Variants in NXF1 observed in about 807,000 individuals in gnomAD.
The protein encoded by NXF1 is nuclear RNA export factor 1.
In NXF1, 43 loss-of-function variants were observed where a neutral mutation model predicts 92.4. That is an observed-to-expected ratio of 0.47 (90% CI 0.36 to 0.60). NXF1 has a LOEUF of 0.60. Among genes scored for constraint, NXF1 ranks in the 20% least tolerant of loss-of-function variants. NXF1 has a pLI of 0.00. For missense variants in NXF1, 576 were observed against 793.0 expected, an observed-to-expected ratio of 0.73 and a Z score of 3.29; for synonymous variants, 288 against 292.2, an observed-to-expected ratio of 0.99 and a Z score of 0.15.
Position 62,803,704 on chromosome 11 carries a change from C to T in NXF1, c.215+88G>A, listed in dbSNP as rs560761541. The stretch of plus-strand genomic sequence containing the variant: ...CTAGTCCTGGCATTTCTCACTCTAA[C>T]AGGTGGGAAAGGAAATGACATGGAC... On this transcript the variant is annotated intron_variant, in intron 2 of 20. Transcript: ENST00000294172. The T allele has an allele frequency of 5.6e-5, 87 of 1,543,618 alleles. 2 individuals carry two copies. The South Asian group carries it at 9.4e-4, about 17-fold the overall frequency.
intron 1 of NXF1, 30 bp downstream of exon 1, chr11:62,805,299 C>T: frequency 2.5e-6 from 4 of 1,593,490 alleles, no homozygotes; most frequent in Non-Finnish European, 3.4e-6. Flanking sequence ...CCCCAGATAG[C>T]CAGTTCCCGA....
chr11:62,800,033 C>A, intron 10 of NXF1: 13 of 1,063,616 alleles, frequency 1.2e-5, no homozygotes, highest in Non-Finnish European at 1.5e-5. Flanking sequence ...GCAACCCCAT[C>A]TATAGGGTAT....
chr11:62,805,185 A>C, intron 1 of NXF1, 144 bp downstream of exon 1: 1 of 651,452 alleles, frequency 1.5e-6, no homozygotes. Flanking sequence ...TCGGGTGTCC[A>C]CCTCGAGTGC....
intron 1 of NXF1, 109 bp downstream of exon 1, chr11:62,805,220 G>T (rs2134786037): frequency 9.3e-7 from 1 of 1,072,472 alleles, no homozygotes. Context: ...GCCGCTCCCC[G>T]CGGACGCCGG....
In NXF1 at chr11:62,797,119, C is replaced by T; in HGVS notation, c.1178+64G>A. On this transcript the variant is annotated intron_variant, in intron 13 of 20. Coordinates refer to ENST00000294172, the MANE Select transcript of NXF1 (RefSeq NM_006362.5). ...AACAAAACAAAAAGATTGATGTGTG[C>T]CTGGGTCTGCCCACCATTCCCCCTC... The T allele has an allele frequency of 5.8e-6, 8 of 1,373,426 alleles. No individual in the cohort carries two copies. In the East Asian group the frequency reaches 9.1e-5, roughly 16 times the overall value. The allele number at this position is 1,373,426 out of a possible 1,614,324, so 85.1% of individuals were successfully genotyped here.
chr11:62,801,322 G>A lies in NXF1; in HGVS notation c.798+7C>T, dbSNP rs774955090. On this transcript the variant is annotated splice_region_variant and intron_variant, in intron 8 of 20. Coordinates refer to ENST00000294172, the MANE Select transcript of NXF1 (RefSeq NM_006362.5). The stretch of plus-strand genomic sequence containing the variant: ...CCTCATGCCTAATACTGGGCCAAAG[G>A]CCTTACCTCAGGGATGTTCTCTTCA... The A allele has an allele frequency of 2.5e-6, 4 of 1,613,628 alleles. No individual in the cohort carries two copies. The highest frequency in any genetic ancestry group is 4.5e-5 in the East Asian group (2 of 44,904).
intron 16 of NXF1, 30 bp from the exon 17 acceptor site, chr11:62,795,973 TAC>T: frequency 6.2e-7 from 1 of 1,613,792 alleles, no homozygotes; most frequent in Non-Finnish European, 8.5e-7. Context: ...AGGTACAATG[TAC>T]ACTTCTCAGA....
Position 62,801,830 on chromosome 11 carries a change from G to C in NXF1, c.559-11C>G. 1 of 1,611,130 alleles carries C rather than the reference G, an allele frequency of 6.2e-7. No homozygotes were observed. Among genetic ancestry groups the C allele is most frequent in the Non-Finnish European group, 8.5e-7 (1 of 1,177,574 alleles). ...GATGATGATAGATATCTGGAGGGAA[G>C]ACACAGAGGGCACAGAAAACTCTAG... is the stretch of plus-strand genomic sequence containing the variant. On this transcript the variant is annotated splice_polypyrimidine_tract_variant and intron_variant, in intron 5 of 20. Transcript: ENST00000294172.
intron 3 of NXF1, among the ~76,000 whole-genome samples, chr11:62,802,509 T>G (rs1367158094): frequency 1.3e-5 from 2 of 152,224 alleles, no homozygotes; most frequent in Non-Finnish European, 2.9e-5. Flanking sequence ...CGATCATAGC[T>G]CACTGCAGCC....
Position 62,796,499 on chromosome 11 carries a change from C to A in NXF1, c.1247G>T (p.Cys416Phe), listed in dbSNP as rs749454348. ...LLDAYHDGAC[C>F]SLSIPFIPQN... ...AGGAATGAAAGGAATGCTCAGGGAA[C>A]AGCAGGCCCCATCATGGTAGGCATC... Residue 416 changes from cysteine (C) to phenylalanine (F), a missense_variant, in exon 14 of 21, where the codon TGT becomes TTT. Physicochemically the swap from Cys to Phe is radical, Grantham distance 205 (BLOSUM62 -2). Around this residue, in one of 2 missense-constraint regions of NXF1, gnomAD observed 425 missense variants for 635.2 expected, o/e 0.67. Coordinates refer to ENST00000294172, the MANE Select transcript of NXF1 (RefSeq NM_006362.5). 6.2e-7 allele frequency: 1 copy of A among 1,614,150 alleles called. No individual in the cohort carries two copies. Among genetic ancestry groups the A allele is most frequent in the South Asian group, 1.1e-5 (1 of 91,080 alleles).
Position 62,792,642 on chromosome 11 carries a change from T to C in NXF1, c.1820A>G (p.Lys607Arg). 3 of 1,614,172 alleles carry C rather than the reference T, an allele frequency of 1.9e-6. No individual in the cohort carries two copies. The highest frequency in any genetic ancestry group is 2.5e-6 in the Non-Finnish European group (3 of 1,180,038). ...TGCCACTGTATTTCCAGACCTTACC[T>C]TGAGATGAGTGAAGGCCTGGGCAGA... ...TRSAQAFTHL[K>R]AKGEIPEVAF... The change falls in exon 20 of 21, where the codon AAG (lysine) becomes AGG (arginine). Residue 607 changes from lysine to arginine, a missense_variant and splice_region_variant. Physicochemically the swap from Lys to Arg is conservative, Grantham distance 26. Transcript: ENST00000294172.
rs367896170 is a variant in NXF1, at chr11:62,805,405, C to G, written c.-49G>C. On this transcript the variant is annotated 5_prime_UTR_variant, in exon 1 of 21. Transcript: ENST00000294172. ...GCTCAGGCGCTGGCCGCTACGCCGG[C>G]AAACAACCTAACTCCCAAGCGCTCA... The G allele has an allele frequency of 3.1e-6, 5 of 1,607,208 alleles. No homozygotes were observed. Among genetic ancestry groups the G allele is most frequent in the South Asian group, 1.1e-5 (1 of 89,578 alleles).
At chr11:62,793,038 A>C (rs2084382152) in intron 19 of NXF1, among the ~76,000 whole-genome samples, 2 of 151,782 alleles carry the variant, frequency 1.3e-5, no homozygotes, top group Admixed American at 1.3e-4. Context: ...ATTTATACAC[A>C]GGCAAATTTT....
In NXF1 at chr11:62,800,514, G is replaced by C. The variant is rs772747775; in HGVS notation, c.907-28C>G. On this transcript the variant is annotated intron_variant, in intron 9 of 20. Coordinates refer to ENST00000294172, the MANE Select transcript of NXF1 (RefSeq NM_006362.5). ...GCAAAGGGTGGAAGGAACAAAGGGA[G>C]GAGACCCTGGTGAAGACAGCCAGCT... The C allele has an allele frequency of 1.9e-5, 29 of 1,559,098 alleles. No homozygotes were observed. In the African/African-American group the frequency reaches 2.2e-4, roughly 12 times the overall value.
intron 19 of NXF1, among the ~76,000 whole-genome samples, chr11:62,793,840 A>G (rs1179450521): frequency 1.3e-5 from 2 of 150,682 alleles, no homozygotes; most frequent in East Asian, 1.9e-4. Context: ...AAAAAAAAAA[A>G]AAATACAAAA....
intron 11 of NXF1, among the ~76,000 whole-genome samples, 171 bp downstream of exon 11, chr11:62,798,368 A>G (rs928517598): frequency 2.0e-5 from 3 of 151,522 alleles, no homozygotes; most frequent in African/African-American, 7.3e-5. Flanking sequence ...TGGGAGGCAG[A>G]GGTTGCGGTG....
At position 62,801,816 on chromosome 11, in the gene NXF1, A is replaced by G. The variant is rs1357708071; in HGVS notation, c.562T>C (p.Ser188Pro). ...KILDRENRRI[S>P]IIINSSAPPH... ...GGAGCAGAAGAGTTGATGATGATAG[A>G]TATCTGGAGGGAAGACACAGAGGGC... Residue 188 changes from serine (S) to proline (P), a missense_variant, in exon 6 of 21, where the codon TCT (serine) becomes CCT (proline). Ser to Pro is a moderately conservative substitution (Grantham distance 74). Transcript: ENST00000294172. The G allele has an allele frequency of 1.9e-6, 3 of 1,613,322 alleles. No individual in the cohort carries two copies. Among genetic ancestry groups the G allele is most frequent in the Non-Finnish European group, 2.5e-6 (3 of 1,179,424 alleles).
In NXF1 at chr11:62,797,369, G is replaced by C. The variant is rs746822446; in HGVS notation, c.1071C>G (p.Pro357=). The C allele has an allele frequency of 1.2e-6, 2 of 1,613,478 alleles. No individual in the cohort carries two copies. Among genetic ancestry groups the C allele is most frequent in the African/African-American group, 2.7e-5 (2 of 74,884 alleles). The stretch of plus-strand genomic sequence containing the variant: ...CTTCAACATCAAAGGCAATTGGTGG[G>C]GGTAGCTCATGGCCATCCTGTGGAA... ...KLLRLDGHEL[P]PPIAFDVEAP... is the part of the protein sequence containing the mutation. Residue 357 remains proline, a synonymous_variant, in exon 12 of 21, where the codon CCC becomes CCG. Transcript: ENST00000294172.
At position 62,794,533 on chromosome 11, in the gene NXF1, G is replaced by T. The variant is rs939526035; in HGVS notation, c.1578-93C>A. 1.2e-5 allele frequency: 13 copies of T among 1,121,866 alleles called. No individual in the cohort carries two copies. The African/African-American group carries it at 1.7e-4, about 15-fold the overall frequency. 69.5% of individuals were successfully genotyped at this position (1,121,866 alleles called of 1,614,324 possible). ...CTCTGATTCTTTCAATATCCACAAG[G>T]TCCCCCTCCCACTCTTAGCTATTGT... On this transcript the variant is annotated intron_variant, in intron 18 of 20. Coordinates refer to ENST00000294172, the MANE Select transcript of NXF1 (RefSeq NM_006362.5).
Sources: gnomAD v4.1 joint callset for allele counts (sites outside exome capture counted in the v4.1 genomes callset) on GRCh38, gnomAD v4.1.1 for gene constraint, gnomAD v4.1.1 regional missense constraint, MANE v1.5 for transcripts, NCBI Gene and HGNC (gene_info 2026-07-23, HGNC 2026-07-21) for gene names.